Variants in KDM4B observed in about 807,000 individuals in gnomAD.
KDM4B encodes lysine-specific demethylase 4B.
KDM4B carries 32 observed loss-of-function variants against 125.2 expected under a neutral mutation model. The ratio of observed to expected loss-of-function variants is 0.26; its 90% CI spans 0.19 to 0.34. The LOEUF is 0.34. Among genes scored for constraint, KDM4B ranks in the 10% least tolerant of loss-of-function variants. The probability of loss-of-function intolerance (pLI) is 1.00; values close to 1 mark genes in which losing one functional copy is unlikely to be tolerated. For synonymous variants in KDM4B, 721 were observed against 677.9 expected (o/e 1.06, Z -0.99); for missense variants, 1,190 against 1,577.7 (o/e 0.75, Z 4.16).
rs201365136 is a variant in KDM4B at position 5,131,528 on chromosome 19, C to G, written c.1768C>G (p.Arg590Gly). ...SGAGRMETKA[R>G]AGEGQAPSTF... ...GGCAGGTCGCATGGAGACCAAAGCC[C>G]GGGCCGGAGAGGGGCAGGTGGGGTG... Residue 590 changes from arginine (R) to glycine (G), a missense_variant, in exon 12 of 23, where the codon CGG (arginine) becomes GGG (glycine). By Grantham distance (125) the Arg-to-Gly change is moderately radical (BLOSUM62 -2). This residue lies in a region of KDM4B where 428 missense variants were observed against 405.1 expected (regional missense o/e 1.06). Coordinates refer to ENST00000159111, the MANE Select transcript of KDM4B (RefSeq NM_015015.3). The G allele has an allele frequency of 8.5e-7, 1 of 1,175,388 alleles. No individual in the cohort carries two copies. Among genetic ancestry groups the G allele is most frequent in the Admixed American group, 2.7e-5 (1 of 37,462 alleles). 72.8% of individuals were successfully genotyped at this position (1,175,388 alleles called of 1,614,324 possible).
At chr19:5,084,572 A>G (rs1486408224) in intron 9 of KDM4B, among the ~76,000 whole-genome samples, 9 of 90,004 alleles carry the variant, frequency 1.0e-4, no homozygotes, top group African/African-American at 2.8e-4. Flanking sequence ...TATAAATTAT[A>G]TGTATTATAT....
At chr19:5,105,259 C>T (rs118129936) in intron 9 of KDM4B, among the ~76,000 whole-genome samples, 7,960 of 152,366 alleles carry the variant, frequency 0.052, 287 homozygotes, top group Admixed American at 0.11. Context: ...TAGTGGGGCG[C>T]GCGCAGCTGC....
At chr19:5,009,554 T>C (rs1000463046) in intron 1 of KDM4B, among the ~76,000 whole-genome samples, 5 of 152,192 alleles carry the variant, frequency 3.3e-5, no homozygotes, top group African/African-American at 1.2e-4. Flanking sequence ...GGTGGTTGTT[T>C]GGTTTGGTCT....
intron 10 of KDM4B, chr19:5,111,727 C>T (rs754993849): frequency 2.1e-5 from 16 of 762,886 alleles, no homozygotes; most frequent in Non-Finnish European, 3.1e-5. Flanking sequence ...GCCAACTCCT[C>T]CGGGGAAGGG....
chr19:5,130,561 C>T (rs969621172), intron 11 of KDM4B, among the ~76,000 whole-genome samples: 5 of 152,230 alleles, frequency 3.3e-5, no homozygotes, highest in Admixed American at 6.5e-5. Flanking sequence ...AGATTTTGTG[C>T]GTTGTTCAAG....
chr19:5,085,420 C>T (rs2038458865), intron 9 of KDM4B, among the ~76,000 whole-genome samples: 1 of 152,212 alleles, frequency 6.6e-6, no homozygotes, highest in Non-Finnish European at 1.5e-5. Context: ...GCTGTAAGCC[C>T]CAGGCCTCGG....
chr19:5,138,125 T>C, intron 18 of KDM4B, 55 bp downstream of exon 18: 3 of 1,383,528 alleles, frequency 2.2e-6, no homozygotes, highest in South Asian at 2.4e-5. Flanking sequence ...CTGCCGGCCA[T>C]GCTCGGCTCC....
rs936726492 is a variant in KDM4B at position 5,119,828 on chromosome 19, G to A, written c.1291G>A (p.Gly431Ser). ...GGAGGAGCCGCAGCCACTGCCACAC[G>A]GCCGGGAGGCCGAGGGCGCAGAAGG... is the stretch of plus-strand genomic sequence containing the variant. ...EEEEPQPLPHGREAEGAEEDG... is the reference protein window; with the variant it reads ...EEEEPQPLPHSREAEGAEEDG... Residue 431 changes from glycine (G) to serine (S), a missense_variant, in exon 11 of 23, where the codon GGC (glycine) becomes AGC (serine). Around this residue, in one of 7 missense-constraint regions of KDM4B, gnomAD observed 428 missense variants for 405.1 expected, o/e 1.06. Transcript: ENST00000159111. 103 of 1,544,858 alleles carry A rather than the reference G, an allele frequency of 6.7e-5. No homozygotes were observed. Among genetic ancestry groups the A allele is most frequent in the African/African-American group, 4.1e-4 (30 of 72,856 alleles).
At chr19:5,091,065 A>G (rs2038691554) in intron 9 of KDM4B, among the ~76,000 whole-genome samples, 1 of 152,240 alleles carries the variant, frequency 6.6e-6, no homozygotes, top group Admixed American at 6.5e-5. Context: ...ACTCAAGGAA[A>G]TAAAATGTGC....
chr19:5,042,890 G>A (rs929447471), intron 5 of KDM4B, among the ~76,000 whole-genome samples: 7 of 150,644 alleles, frequency 4.6e-5, no homozygotes, highest in South Asian at 2.2e-4. Context: ...TGTATTTCGC[G>A]TACACTTTAC....
intron 11 of KDM4B, among the ~76,000 whole-genome samples, chr19:5,121,245 G>C (rs1431831793): frequency 6.6e-6 from 1 of 152,198 alleles, no homozygotes; most frequent in Non-Finnish European, 1.5e-5. Flanking sequence ...GGGGGAAAGA[G>C]CAGAGGCCGG....
At chr19:5,020,673 C>T (rs922206071) in intron 2 of KDM4B, among the ~76,000 whole-genome samples, 6 of 152,206 alleles carry the variant, frequency 3.9e-5, no homozygotes, top group Non-Finnish European at 7.4e-5. Flanking sequence ...GCCTGCTTCC[C>T]GTGCCTCGGC....
intron 6 of KDM4B, among the ~76,000 whole-genome samples, chr19:5,048,222 G>A (rs2037091945): frequency 1.3e-5 from 2 of 152,234 alleles, no homozygotes; most frequent in African/African-American, 4.8e-5. Context: ...GGGCGCTGCT[G>A]TGGCGGGCTG....
intron 1 of KDM4B, among the ~76,000 whole-genome samples, chr19:4,977,957 C>T (rs1568201442): frequency 6.6e-6 from 1 of 152,202 alleles, no homozygotes; most frequent in African/African-American, 2.4e-5. Flanking sequence ...TGTCCCCTTC[C>T]TGCAGCATCT....
chr19:5,041,965 G>A (rs1020185022), intron 5 of KDM4B, among the ~76,000 whole-genome samples: 8 of 152,206 alleles, frequency 5.3e-5, no homozygotes, highest in African/African-American at 9.7e-5. Context: ...CGAGGGCGCC[G>A]GTTTATGACA....
intron 1 of KDM4B, among the ~76,000 whole-genome samples, chr19:4,993,482 T>C (rs1193167620): frequency 6.6e-6 from 1 of 152,232 alleles, no homozygotes; most frequent in Non-Finnish European, 1.5e-5. Flanking sequence ...CTTTTATTTC[T>C]GTCATTTTTT....
At chr19:5,131,637 G>GT in intron 12 of KDM4B, 92 bp downstream of exon 12, 1 of 628,546 alleles carries the variant, frequency 1.6e-6, no homozygotes, top group African/African-American at 1.9e-5. Flanking sequence ...AGCTGGTGGC[G>GT]GGGGAGGGGG....
Position 4,994,300 on chromosome 19 carries a change from A to G in KDM4B, c.-108-21957A>G, listed in dbSNP as rs2035129152. ...TAAAGAGTGTCCCCTGGCTGGGCGC[A>G]GTGGCTCACGCCTGTAATCTCAGCA... On this transcript the variant is annotated intron_variant, in intron 1 of 22. Coordinates refer to ENST00000159111, the MANE Select transcript of KDM4B (RefSeq NM_015015.3). Among the ~76,000 whole-genome samples, 5 of 147,392 alleles carry G rather than the reference A, an allele frequency of 3.4e-5. No homozygotes were observed. In the South Asian group the frequency reaches 1.2e-3, roughly 36 times the overall value.
chr19:5,117,260 CT>C (rs980995506), intron 10 of KDM4B, among the ~76,000 whole-genome samples: 1 of 135,006 alleles, frequency 7.4e-6, no homozygotes, highest in Non-Finnish European at 1.5e-5. Flanking sequence ...GGGGGTGCCC[CT>C]GGAAGGCTGC....
Sources: allele counts gnomAD v4.1 joint callset (sites outside exome capture counted in the v4.1 genomes callset), GRCh38; gene constraint gnomAD v4.1.1; regional missense constraint gnomAD v4.1.1; transcripts MANE v1.5; gene names NCBI Gene and HGNC (gene_info 2026-07-23, HGNC 2026-07-21).